Variants in LAMA2 observed in about 807,000 individuals in gnomAD.
LAMA2 encodes laminin subunit alpha-2.
LAMA2 carries 269 observed loss-of-function variants against 364.8 expected under a neutral mutation model. That is an observed-to-expected ratio of 0.74 (90% CI 0.67 to 0.82). The LOEUF (loss-of-function observed/expected upper bound fraction) is 0.82. Among genes scored for constraint, LAMA2 ranks in the 40% least tolerant of loss-of-function variants. LAMA2 has a pLI of 0.00. For synonymous variants in LAMA2, 1,379 were observed against 1,370.6 expected, an observed-to-expected ratio of 1.01 and a Z score of -0.14; for missense variants, 3,807 against 3,873.2, an observed-to-expected ratio of 0.98 and a Z score of 0.45.
intron 1 of LAMA2, among the ~76,000 whole-genome samples, chr6:128,883,835 C>T (rs12202114): frequency 0.089 from 10,471 of 117,416 alleles, 502 homozygotes; most frequent in Middle Eastern, 0.16. Flanking sequence ...CACACACACA[C>T]ATATATATAT....
chr6:129,486,080 GC>G (rs1012834857), intron 55 of LAMA2, among the ~76,000 whole-genome samples: 2 of 152,342 alleles, frequency 1.3e-5, no homozygotes, highest in African/African-American at 2.4e-5. Flanking sequence ...TACTCAGAAT[GC>G]CACAAGGTTG....
chr6:128,940,822 ACACCTGTAGTCC>A (rs1412307081), intron 1 of LAMA2, among the ~76,000 whole-genome samples: 3 of 152,132 alleles, frequency 2.0e-5, no homozygotes, highest in African/African-American at 7.2e-5. Context: ...ATGGTAGTAC[ACACCTGTAGTCC>A]CACCTACTCC....
At chr6:129,174,180 A>G (rs963718668) in intron 9 of LAMA2, among the ~76,000 whole-genome samples, 7 of 152,012 alleles carry the variant, frequency 4.6e-5, no homozygotes, top group African/African-American at 1.7e-4. Context: ...CATCTATCCC[A>G]AGATTAGAAA....
intron 37 of LAMA2, among the ~76,000 whole-genome samples, chr6:129,398,868 T>C (rs1779807462): frequency 6.6e-6 from 1 of 152,224 alleles, no homozygotes; most frequent in African/African-American, 2.4e-5. Flanking sequence ...GAATTTGTGT[T>C]ACAGTGCAGG....
chr6:129,327,504 G>A (rs936384030), intron 28 of LAMA2, among the ~76,000 whole-genome samples: 6 of 152,120 alleles, frequency 3.9e-5, no homozygotes, highest in African/African-American at 1.4e-4. Context: ...CATAAATCAA[G>A]CAATGTCTGC....
intron 2 of LAMA2, among the ~76,000 whole-genome samples, chr6:129,052,739 G>A (rs781301269): frequency 3.3e-5 from 5 of 151,932 alleles, no homozygotes; most frequent in Admixed American, 1.3e-4. Context: ...AGAGTATCAC[G>A]CAAAGTAGTT....
At chr6:128,887,953 G>A (rs570403398) in intron 1 of LAMA2, among the ~76,000 whole-genome samples, 1 of 152,224 alleles carries the variant, frequency 6.6e-6, no homozygotes, top group South Asian at 2.1e-4. Context: ...GCCTTATTTA[G>A]CATCTAGAAA....
At chr6:129,083,397 A>G (rs1774185296) in intron 3 of LAMA2, among the ~76,000 whole-genome samples, 1 of 152,240 alleles carries the variant, frequency 6.6e-6, no homozygotes, top group African/African-American at 2.4e-5. Flanking sequence ...TTATGGTGTC[A>G]GCCAGTATCA....
chr6:129,240,747 T>C, intron 12 of LAMA2, among the ~76,000 whole-genome samples: 1 of 152,182 alleles, frequency 6.6e-6, no homozygotes, highest in East Asian at 1.9e-4. Context: ...CTATATATCA[T>C]AACAAATTGA....
intron 37 of LAMA2, among the ~76,000 whole-genome samples, chr6:129,397,029 T>G (rs7744826): frequency 0.83 from 124,024 of 149,170 alleles, 51,513 homozygotes; most frequent in East Asian, 0.92. Context: ...AAGAAAACAA[T>G]AATAGACAGG....
intron 58 of LAMA2, among the ~76,000 whole-genome samples, chr6:129,499,756 T>C (rs1178753954): frequency 6.6e-6 from 1 of 152,200 alleles, no homozygotes; most frequent in African/African-American, 2.4e-5. Context: ...CTTGCTCTAC[T>C]GTCCAGGTTG....
chr6:129,008,067 A>G (rs1784543441), intron 1 of LAMA2, among the ~76,000 whole-genome samples: 1 of 152,206 alleles, frequency 6.6e-6, no homozygotes, highest in Non-Finnish European at 1.5e-5. Flanking sequence ...AAAAAAGTCA[A>G]TGTACACCAC....
chr6:129,334,445 G>C (rs1775831143), intron 29 of LAMA2, among the ~76,000 whole-genome samples: 3 of 152,032 alleles, frequency 2.0e-5, no homozygotes, highest in Admixed American at 1.3e-4. Flanking sequence ...CTTAGTGCAT[G>C]GTACGCTTCA....
intron 8 of LAMA2, chr6:129,157,794 C>A: frequency 1.2e-6 from 2 of 1,613,350 alleles, no homozygotes; most frequent in Non-Finnish European, 1.7e-6. Context: ...TGTGATACAA[C>A]GACGAGCCAT....
At chr6:129,144,462 C>T (rs1007603939) in intron 5 of LAMA2, among the ~76,000 whole-genome samples, 1 of 151,930 alleles carries the variant, frequency 6.6e-6, no homozygotes, top group Non-Finnish European at 1.5e-5. Context: ...ACTGGAAGTG[C>T]AGGGGCTTTG....
intron 19 of LAMA2, among the ~76,000 whole-genome samples, chr6:129,291,395 A>G (rs1248597088): frequency 2.6e-5 from 4 of 152,220 alleles, no homozygotes; most frequent in Admixed American, 1.3e-4. Context: ...GATGGGCCAG[A>G]CATGATGCTA....
intron 1 of LAMA2, among the ~76,000 whole-genome samples, chr6:129,014,830 TC>T (rs1203511264): frequency 6.6e-6 from 1 of 151,962 alleles, no homozygotes; most frequent in East Asian, 1.9e-4. Flanking sequence ...GGATATAAAA[TC>T]TAATAGAGTG....
chr6:129,265,446 C>G (rs1161511600), intron 15 of LAMA2, among the ~76,000 whole-genome samples: 6 of 152,132 alleles, frequency 3.9e-5, no homozygotes, highest in Non-Finnish European at 8.8e-5. Context: ...TAGATTAGTT[C>G]TCTCCCTTTT....
intron 18 of LAMA2, among the ~76,000 whole-genome samples, chr6:129,284,376 C>T (rs1012904501): frequency 6.6e-6 from 1 of 151,984 alleles, no homozygotes; most frequent in Non-Finnish European, 1.5e-5. Context: ...AGTTGGTTGC[C>T]CTTTTGTGTG....
Sources: gnomAD v4.1 joint callset for allele counts (sites outside exome capture counted in the v4.1 genomes callset) on GRCh38, gnomAD v4.1.1 for gene constraint, MANE v1.5 for transcripts, NCBI Gene and HGNC (gene_info 2026-07-23, HGNC 2026-07-21) for gene names.